KIF7: variants seen among roughly 807,000 people sequenced by gnomAD.
The protein encoded by KIF7 is kinesin family member 7, also known as kinesin-like protein KIF7.
Under a neutral mutation model 135.7 loss-of-function variants are expected in KIF7, and 104 were observed. The ratio of observed to expected loss-of-function variants is 0.77; its 90% CI spans 0.65 to 0.90. The LOEUF is 0.90. KIF7 is among the 40% of genes least tolerant of loss of function. The pLI is 0.00. For synonymous variants in KIF7, 883 were observed against 809.4 expected, an observed-to-expected ratio of 1.09 and a Z score of -1.54; for missense variants, 2,005 against 1,839.1, an observed-to-expected ratio of 1.09 and a Z score of -1.65.
downstream of KIF7, chr15:89,627,346 A>C (rs1963551587): frequency 2.3e-6 from 1 of 433,736 alleles, no homozygotes; most frequent in South Asian, 4.5e-5. Context: ...TCAGGAACCC[A>C]GACAAGGAAT....
intron 7 of KIF7, among the ~76,000 whole-genome samples, 156 bp from the exon 8 acceptor site, chr15:89,646,182 G>C (rs1336692704): frequency 6.6e-6 from 1 of 152,082 alleles, no homozygotes; most frequent in Non-Finnish European, 1.5e-5. Context: ...CTCAAGCTGG[G>C]GTGAGAGCTT....
At position 89,631,710 on chromosome 15, in the gene KIF7, C is replaced by T; in HGVS notation, c.2896G>A (p.Ala966Thr). The T allele has an allele frequency of 3.9e-6, 6 of 1,550,442 alleles. No homozygotes were observed. The highest frequency in any genetic ancestry group is 4.4e-6 in the Non-Finnish European group (5 of 1,145,894). Residue 966 changes from alanine (A) to threonine (T), a missense_variant and splice_region_variant, in exon 15 of 19, where the codon GCC (alanine) becomes ACC (threonine). Physicochemically the swap from Ala to Thr is moderately conservative, Grantham distance 58. Coordinates refer to ENST00000394412, the MANE Select transcript of KIF7 (RefSeq NM_198525.3). ...LESKRLRSSQ[A>T]LNEDIVRVSS... ...ACTCGCACGATGTCCTCGTTGAGGG[C>T]CTGGGGGCAGAATCACCAGGGATTA...
At chr15:89,621,693 A>G in intron 1 of KIF7, 1 of 695,910 alleles carries the variant, frequency 1.4e-6, no homozygotes, top group Non-Finnish European at 2.3e-6. Flanking sequence ...GTGGAGCCAC[A>G]TGAATGATTA....
chr15:89,631,854 A>G (rs1053545991), intron 14 of KIF7, 144 bp from the exon 15 acceptor site: 17 of 717,594 alleles, frequency 2.4e-5, no homozygotes, highest in Non-Finnish European at 2.9e-5. Context: ...GGGAGACCAG[A>G]CTTAGTTCAC....
At position 89,628,664 on chromosome 15, in the gene KIF7, C is replaced by T; in HGVS notation, c.3787G>A (p.Glu1263Lys). Residue 1263 changes from glutamate (E) to lysine (K), a missense_variant, in exon 19 of 19, where the codon GAG becomes AAG. By Grantham distance (56) the Glu-to-Lys change is moderately conservative. Coordinates refer to ENST00000394412, the MANE Select transcript of KIF7 (RefSeq NM_198525.3). ...GCGTGGACCAAGTCCCGCGTCTCCT[C>T]CCGGGTGCGGGGGGCCCCCTCAGTG... ...PLTEGAPRTREETRDLVHAPL... is the reference protein window; with the variant it reads ...PLTEGAPRTRKETRDLVHAPL... 1.9e-6 allele frequency: 3 copies of T among 1,613,204 alleles called. No individual in the cohort carries two copies. The highest frequency in any genetic ancestry group is 2.5e-6 in the Non-Finnish European group (3 of 1,179,940).
chr15:89,651,154 C>T (rs543261489), intron 2 of KIF7, among the ~76,000 whole-genome samples: 8 of 152,198 alleles, frequency 5.3e-5, no homozygotes, highest in African/African-American at 9.6e-5. Flanking sequence ...GGCTGGAGTG[C>T]GGTGGCCAGA....
At chr15:89,651,236 AC>A (rs1964118653) in intron 2 of KIF7, among the ~76,000 whole-genome samples, 1 of 152,190 alleles carries the variant, frequency 6.6e-6, no homozygotes, top group South Asian at 2.1e-4. Context: ...AGTAGCTGGG[AC>A]TACAGGCATG....
At chr15:89,625,042 A>G, downstream of KIF7, 1 of 1,614,054 alleles carries the variant, frequency 6.2e-7, no homozygotes, top group Non-Finnish European at 8.5e-7. Context: ...AATTAAGAAG[A>G]TAGACCCCAG....
chr15:89,639,857 G>A (rs1275598663), intron 11 of KIF7, among the ~76,000 whole-genome samples: 1 of 152,032 alleles, frequency 6.6e-6, no homozygotes, highest in Non-Finnish European at 1.5e-5. Flanking sequence ...GTTTATTGTG[G>A]CATTATTCAC....
At chr15:89,628,894 T>A (rs1963599166) in intron 18 of KIF7, 82 bp downstream of exon 18, 1 of 1,611,922 alleles carries the variant, frequency 6.2e-7, no homozygotes, top group Non-Finnish European at 8.5e-7. Context: ...ATTGAGCCAA[T>A]AAAGGCTCGA....
At chr15:89,638,875 C>T (rs1963863868) in intron 11 of KIF7, among the ~76,000 whole-genome samples, 2 of 152,294 alleles carry the variant, frequency 1.3e-5, no homozygotes, top group Non-Finnish European at 2.9e-5. Flanking sequence ...GGAAGCATCA[C>T]ACTACCTGAC....
chr15:89,658,678 C>T (rs1964229590), upstream of KIF7, among the ~76,000 whole-genome samples: 1 of 151,646 alleles, frequency 6.6e-6, no homozygotes. Flanking sequence ...GCCTGGGCAA[C>T]ACAGCGAAAC....
chr15:89,650,772 G>C (rs1964111517), intron 2 of KIF7, among the ~76,000 whole-genome samples: 1 of 151,454 alleles, frequency 6.6e-6, no homozygotes, highest in Non-Finnish European at 1.5e-5. Flanking sequence ...ACAGGGTCTT[G>C]CTGTGTTGCC....
chr15:89,646,642 C>G (rs1964018124), intron 7 of KIF7, among the ~76,000 whole-genome samples, 188 bp downstream of exon 7: 2 of 152,214 alleles, frequency 1.3e-5, no homozygotes, highest in Admixed American at 1.3e-4. Context: ...CTGCACCCTT[C>G]TGAGAGGCCC....
chr15:89,652,234 G>A (rs928989234), intron 2 of KIF7, among the ~76,000 whole-genome samples: 6 of 152,110 alleles, frequency 3.9e-5, no homozygotes, highest in Admixed American at 1.3e-4. Flanking sequence ...CAGGACACAC[G>A]GCCCCCATTC....
the KIF7 span, among the ~76,000 whole-genome samples, chr15:89,661,640 C>T: frequency 1.7e-3 from 253 of 152,242 alleles, 2 homozygotes; most frequent in South Asian, 5.6e-3. Flanking sequence ...GCTCTAATGA[C>T]ATACTAACAA....
At chr15:89,635,080 A>ACGGC (rs909757061) in intron 11 of KIF7, among the ~76,000 whole-genome samples, 28 of 152,022 alleles carry the variant, frequency 1.8e-4, no homozygotes, top group South Asian at 1.7e-3. Flanking sequence ...GACACCTCAC[A>ACGGC]CGGCCGGGTA....
At chr15:89,642,540 A>G (rs1963943124) in intron 10 of KIF7, 135 bp from the exon 11 acceptor site, 6 of 619,914 alleles carry the variant, frequency 9.7e-6, no homozygotes, top group Non-Finnish European at 1.4e-5. Flanking sequence ...CCAGTACCAC[A>G]GTTTACTTAA....
rs140549999 is a variant in KIF7 at position 89,630,488 on chromosome 15, C to A, written c.3117G>T (p.Glu1039Asp). Reference sequence around the variant, plus strand: ...CCTCATCCAACTGGAACAGCGTCCGCTCCTCCTGCAGAGACGGGCACGCGT... The same window carrying A: ...CCTCATCCAACTGGAACAGCGTCCGATCCTCCTGCAGAGACGGGCACGCGT... ...RQGSLLSPEE[E>D]RTLFQLDEAI... The change falls in exon 16 of 19, where the codon GAG becomes GAT. Residue 1039 changes from glutamate to aspartate, a missense_variant. Coordinates refer to ENST00000394412, the MANE Select transcript of KIF7 (RefSeq NM_198525.3). The A allele has an allele frequency of 6.6e-7, 1 of 1,524,072 alleles. No individual in the cohort carries two copies. The allele number at this position is 1,524,072 out of a possible 1,614,324, so 94.4% of individuals were successfully genotyped here. A position where few individuals can be genotyped will look rare whatever the true frequency, so the allele number is the denominator to read the frequency against.
Sources: allele counts gnomAD v4.1 joint callset (sites outside exome capture counted in the v4.1 genomes callset), GRCh38; gene constraint gnomAD v4.1.1; transcripts MANE v1.5; gene names NCBI Gene and HGNC (gene_info 2026-07-23, HGNC 2026-07-21).